PLXNA4: variants seen among roughly 807,000 people sequenced by gnomAD.
PLXNA4 encodes plexin A4.
Under a neutral mutation model 191.8 loss-of-function variants are expected in PLXNA4, and 44 were observed. The observed-to-expected ratio is 0.23, with a 90% CI of 0.18 to 0.29. PLXNA4 has a LOEUF of 0.29. PLXNA4 is among the 10% of genes least tolerant of loss of function. The pLI is 1.00. For missense variants in PLXNA4, 1,800 were observed against 2,488.8 expected (o/e 0.72, Z 5.89); for synonymous variants, 1,082 against 1,009.5 (o/e 1.07, Z -1.36).
At chr7:132,444,467 C>G (rs114275511) in intron 3 of PLXNA4, among the ~76,000 whole-genome samples, 2,472 of 152,300 alleles carry the variant, frequency 0.016, 65 homozygotes, top group African/African-American at 0.056. Context: ...AATGGCCAGG[C>G]TGATCTCGAA....
At chr7:132,499,845 T>G (rs1337121988) in intron 2 of PLXNA4, among the ~76,000 whole-genome samples, 1 of 152,180 alleles carries the variant, frequency 6.6e-6, no homozygotes, top group East Asian at 1.9e-4. Context: ...CATTATATTT[T>G]GGAACACTGA....
intron 3 of PLXNA4, among the ~76,000 whole-genome samples, chr7:132,379,481 G>A (rs1804802356): frequency 6.6e-6 from 1 of 152,190 alleles, no homozygotes; most frequent in South Asian, 2.1e-4. Context: ...AGCATCTGAG[G>A]CTCTGCCTTA....
chr7:132,373,848 G>C (rs1249295783), intron 3 of PLXNA4, among the ~76,000 whole-genome samples: 3 of 152,152 alleles, frequency 2.0e-5, no homozygotes, highest in Non-Finnish European at 4.4e-5. Context: ...TAGGTTTTCT[G>C]TTCTATCAGG....
chr7:132,185,200 A>G, intron 16 of PLXNA4, 99 bp downstream of exon 16: 1 of 1,466,852 alleles, frequency 6.8e-7, no homozygotes, highest in Non-Finnish European at 9.0e-7. Flanking sequence ...TCCATCCCCC[A>G]AGCAGGACTG....
At chr7:132,639,265 C>T (rs1486084083) in intron 2 of PLXNA4, among the ~76,000 whole-genome samples, 4 of 152,164 alleles carry the variant, frequency 2.6e-5, no homozygotes, top group Non-Finnish European at 5.9e-5. Flanking sequence ...GTCCTTAGGC[C>T]TTTGTGCTAA....
intron 1 of PLXNA4, among the ~76,000 whole-genome samples, chr7:132,647,330 T>A (rs1482454161): frequency 6.7e-6 from 1 of 148,552 alleles, no homozygotes; most frequent in Admixed American, 6.7e-5. Context: ...TGCTATCATA[T>A]ACACACATAT....
intron 3 of PLXNA4, among the ~76,000 whole-genome samples, chr7:132,334,252 C>CTTTT (rs71529758): frequency 0.028 from 2,106 of 75,362 alleles, 132 homozygotes; most frequent in African/African-American, 0.088. Context: ...TTCTTTCTTT[C>CTTTT]TTTTTTTTTT....
intron 9 of PLXNA4, among the ~76,000 whole-genome samples, chr7:132,217,963 G>C (rs764421848): frequency 2.0e-4 from 25 of 128,202 alleles, no homozygotes; most frequent in African/African-American, 7.6e-4. Flanking sequence ...GGGTGGTTTG[G>C]TTCCCTTGGG....
intron 3 of PLXNA4, among the ~76,000 whole-genome samples, chr7:132,448,546 G>A (rs867187960): frequency 9.9e-5 from 15 of 152,178 alleles, no homozygotes; most frequent in African/African-American, 3.4e-4. Context: ...ACGAGGTGGA[G>A]GCAAGTCAGG....
chr7:132,375,413 G>GT (rs1241330644), intron 3 of PLXNA4, among the ~76,000 whole-genome samples: 1 of 152,134 alleles, frequency 6.6e-6, no homozygotes, highest in East Asian at 1.9e-4. Flanking sequence ...AATGCCACAT[G>GT]GACTTGGCTC....
chr7:132,150,751 CA>C (rs1287101439), intron 25 of PLXNA4, among the ~76,000 whole-genome samples: 1 of 152,248 alleles, frequency 6.6e-6, no homozygotes, highest in Non-Finnish European at 1.5e-5. Context: ...TAGCACATCT[CA>C]GGAGCATCTG....
chr7:132,218,043 C>T (rs1798023868), intron 9 of PLXNA4, among the ~76,000 whole-genome samples: 1 of 151,676 alleles, frequency 6.6e-6, no homozygotes, highest in South Asian at 2.1e-4. Context: ...TGGTGATTTC[C>T]CTCCAGAGTC....
chr7:132,161,783 T>C (rs1432033995), intron 24 of PLXNA4, among the ~76,000 whole-genome samples: 1 of 150,816 alleles, frequency 6.6e-6, no homozygotes, highest in South Asian at 2.1e-4. Flanking sequence ...AGGTGGGCAT[T>C]TAGTGCTCTG....
intron 1 of PLXNA4, among the ~76,000 whole-genome samples, chr7:132,566,265 C>T (rs1358118592): frequency 6.6e-6 from 1 of 152,022 alleles, no homozygotes; most frequent in Non-Finnish European, 1.5e-5. Flanking sequence ...CCCTTTTACC[C>T]CAACCCACAT....
At chr7:132,574,489 T>C (rs181944160) in intron 1 of PLXNA4, among the ~76,000 whole-genome samples, 84 of 152,354 alleles carry the variant, frequency 5.5e-4, no homozygotes, top group African/African-American at 1.9e-3. Context: ...GACCCCATTG[T>C]CACACATGGC....
At chr7:132,343,891 T>C (rs1803135849) in intron 3 of PLXNA4, among the ~76,000 whole-genome samples, 1 of 152,184 alleles carries the variant, frequency 6.6e-6, no homozygotes, top group African/African-American at 2.4e-5. Flanking sequence ...CACTCCAGCC[T>C]AGGTGACAGA....
At chr7:132,530,904 A>T (rs574577729) in intron 1 of PLXNA4, among the ~76,000 whole-genome samples, 146 of 152,384 alleles carry the variant, frequency 9.6e-4, no homozygotes, top group African/African-American at 3.4e-3. Context: ...CGGCCATATA[A>T]AGAATGAAGT....
intron 21 of PLXNA4, among the ~76,000 whole-genome samples, chr7:132,173,766 G>A (rs1351365343): frequency 6.6e-6 from 1 of 152,172 alleles, no homozygotes; most frequent in Non-Finnish European, 1.5e-5. Flanking sequence ...GTAAATCTTG[G>A]AATTAATCTT....
At chr7:132,540,787 C>T (rs189475746) in intron 1 of PLXNA4, among the ~76,000 whole-genome samples, 4 of 151,204 alleles carry the variant, frequency 2.6e-5, no homozygotes, top group African/African-American at 9.7e-5. Flanking sequence ...CGGTGTTTCA[C>T]CTTGTTAGCC....
Sources: allele counts gnomAD v4.1 joint callset (sites outside exome capture counted in the v4.1 genomes callset), GRCh38; gene constraint gnomAD v4.1.1; transcripts MANE v1.5; gene names NCBI Gene and HGNC (gene_info 2026-07-23, HGNC 2026-07-21).